Variants in COG3 observed in about 807,000 individuals in gnomAD.
The protein encoded by COG3 is component of oligomeric golgi complex 3.
A neutral mutation model predicts 114.1 loss-of-function variants in COG3; 32 were observed. The observed-to-expected ratio is 0.28, with a 90% CI of 0.21 to 0.38. The LOEUF (loss-of-function observed/expected upper bound fraction) is 0.38. Ranked by LOEUF, COG3 falls within the 10% of genes least tolerant of loss-of-function variation. The pLI, the probability that COG3 is intolerant of heterozygous loss-of-function variation, is 1.00. For missense variants in COG3, 813 were observed against 973.2 expected, an observed-to-expected ratio of 0.84 and a Z score of 2.19; for synonymous variants, 352 against 365.7, an observed-to-expected ratio of 0.96 and a Z score of 0.43.
In COG3 at chr13:45,483,321, C is replaced by T. The variant is rs1001815267; in HGVS notation, c.809C>T (p.Thr270Ile). Residue 270 changes from threonine (T) to isoleucine (I), a missense_variant, in exon 7 of 23, where the codon ACA (threonine) becomes ATA (isoleucine). Physicochemically the swap from Thr to Ile is moderately conservative, Grantham distance 89. Coordinates refer to ENST00000349995, the MANE Select transcript of COG3 (RefSeq NM_031431.4). ...CTCATGAAGACATATACTGTGAACA[C>T]ACTACAGACCCTCACAAGTCAGTTA... ...LHLMKTYTVN[T>I]LQTLTSQLLK... 6.3e-7 allele frequency: 1 copy of T among 1,596,476 alleles called. No homozygotes were observed. The highest frequency in any genetic ancestry group is 1.7e-4 in the Middle Eastern group (1 of 6,014).
intron 19 of COG3, among the ~76,000 whole-genome samples, chr13:45,521,766 C>A (rs1477427171): frequency 6.6e-6 from 1 of 151,214 alleles, no homozygotes; most frequent in Non-Finnish European, 1.5e-5. Context: ...TAATTACCTG[C>A]AAGTGCAGAA....
intron 14 of COG3, among the ~76,000 whole-genome samples, chr13:45,507,759 T>G (rs1413759307): frequency 3.6e-5 from 4 of 111,452 alleles, no homozygotes; most frequent in Admixed American, 1.1e-4. Context: ...AGCCAGACTC[T>G]GTCTCAGAAA....
intron 13 of COG3, among the ~76,000 whole-genome samples, chr13:45,499,197 C>A (rs1240414445): frequency 6.6e-6 from 1 of 152,060 alleles, no homozygotes; most frequent in Non-Finnish European, 1.5e-5. Context: ...ATCTCGTATT[C>A]ATGTTTCCAG....
At chr13:45,482,530 CCTAT>C (rs1315392680) in intron 6 of COG3, 57 bp downstream of exon 6, 2 of 827,916 alleles carry the variant, frequency 2.4e-6, no homozygotes, top group Non-Finnish European at 1.9e-6. Flanking sequence ...TATTCCTGTT[CCTAT>C]CTTTTTGTGT....
chr13:45,504,430 TTC>T (rs1184075642), intron 14 of COG3, among the ~76,000 whole-genome samples: 4 of 152,204 alleles, frequency 2.6e-5, no homozygotes, highest in Non-Finnish European at 5.9e-5. Flanking sequence ...GAGAGTACAT[TTC>T]TGTCTTGCCA....
At position 45,482,408 on chromosome 13, in the gene COG3, A is replaced by T; in HGVS notation, c.652A>T (p.Asn218Tyr). 6.4e-7 allele frequency: 1 copy of T among 1,563,614 alleles called. No individual in the cohort carries two copies. The highest frequency in any genetic ancestry group is 8.8e-7 in the Non-Finnish European group (1 of 1,138,970). ...TKLNSPTLSV[N>Y]SDGFIPMLAK... ...ATTGAATTCCCCTACATTGTCGGTG[A>T]ATAGTGACGGATTTATACCTATGCT... is the stretch of plus-strand genomic sequence containing the variant. Residue 218 changes from asparagine (N) to tyrosine (Y), a missense_variant, in exon 6 of 23, where the codon AAT becomes TAT. By Grantham distance (143) the Asn-to-Tyr change is moderately radical. Transcript: ENST00000349995.
chr13:45,468,376 T>C (rs948416384), intron 1 of COG3, among the ~76,000 whole-genome samples: 10 of 152,216 alleles, frequency 6.6e-5, no homozygotes, highest in Non-Finnish European at 1.2e-4. Flanking sequence ...TCTTTCAAAT[T>C]ATTAACATCT....
chr13:45,527,697 A>G (rs1337822666), intron 20 of COG3, among the ~76,000 whole-genome samples: 1 of 152,126 alleles, frequency 6.6e-6, no homozygotes, highest in Non-Finnish European at 1.5e-5. Flanking sequence ...TTTTTTAGGA[A>G]TTAGAGGACA....
At position 45,488,982 on chromosome 13, in the gene COG3, G is replaced by A. The variant is rs141532461; in HGVS notation, c.925-1933G>A. Reference sequence around the variant, plus strand: ...GAGGGCGGATCCCTTGAGTTTAGGAGTTTGAGACCAGCCTGGGCAACATGG... The same window carrying A: ...GAGGGCGGATCCCTTGAGTTTAGGAATTTGAGACCAGCCTGGGCAACATGG... On this transcript the variant is annotated intron_variant, in intron 8 of 22. Transcript: ENST00000349995. Among the ~76,000 whole-genome samples the A allele has an allele frequency of 8.3e-3, 1,267 of 151,830 alleles. 53 individuals carry two copies. Among genetic ancestry groups the A allele is most frequent in the Admixed American group, 0.075 (1,139 of 15,212 alleles).
At chr13:45,494,183 G>C (rs1163009367) in intron 12 of COG3, among the ~76,000 whole-genome samples, 3 of 151,936 alleles carry the variant, frequency 2.0e-5, no homozygotes, top group Non-Finnish European at 4.4e-5. Context: ...AAATTAGCCA[G>C]GCCTGGTGGC....
Position 45,511,867 on chromosome 13 carries a change from GT to G in COG3, c.1809+15del. On this transcript the variant is annotated intron_variant, in intron 16 of 22. Transcript: ENST00000349995. Reference sequence around the variant, plus strand: ...CAGCAAAAACAAGGTTTGATGAAGTGTTAGGTGAAATCCTGTTTCCTGGTAA... The same window carrying G: ...CAGCAAAAACAAGGTTTGATGAAGTGTAGGTGAAATCCTGTTTCCTGGTAA... 1 of 1,594,882 alleles carries G rather than the reference GT, an allele frequency of 6.3e-7. No homozygotes were observed. The highest frequency in any genetic ancestry group is 8.6e-7 in the Non-Finnish European group (1 of 1,162,570).
At chr13:45,465,543 G>A in intron 1 of COG3, 1 of 248,480 alleles carries the variant, frequency 4.0e-6, no homozygotes, top group Non-Finnish European at 7.8e-6. Flanking sequence ...TGTCAGCCGA[G>A]GCGTAATCCT....
At chr13:45,501,391 A>G (rs1258353860) in intron 13 of COG3, among the ~76,000 whole-genome samples, 1 of 151,958 alleles carries the variant, frequency 6.6e-6, no homozygotes, top group East Asian at 1.9e-4. Flanking sequence ...GACTTAACGG[A>G]TATTTATTCA....
intron 8 of COG3, among the ~76,000 whole-genome samples, chr13:45,486,923 A>C (rs1197732745): frequency 6.6e-6 from 1 of 152,204 alleles, no homozygotes; most frequent in East Asian, 1.9e-4. Flanking sequence ...CATAAAAGAC[A>C]TACATTTTGG....
At chr13:45,533,113 C>T (rs1013309872) in intron 22 of COG3, among the ~76,000 whole-genome samples, 1 of 151,624 alleles carries the variant, frequency 6.6e-6, no homozygotes, top group African/African-American at 2.4e-5. Flanking sequence ...GAGTGCTTCA[C>T]GTTTCTGAGT....
At chr13:45,474,909 C>T (rs1321390895) in intron 1 of COG3, among the ~76,000 whole-genome samples, 1 of 151,164 alleles carries the variant, frequency 6.6e-6, no homozygotes, top group African/African-American at 2.4e-5. Context: ...TTTTACTTTC[C>T]CCAGCATCTA....
At chr13:45,477,457 T>C (rs1251264588) in intron 2 of COG3, among the ~76,000 whole-genome samples, 1 of 152,200 alleles carries the variant, frequency 6.6e-6, no homozygotes, top group Non-Finnish European at 1.5e-5. Context: ...AAAGTGTATA[T>C]ACCTATGTAT....
intron 11 of COG3, among the ~76,000 whole-genome samples, chr13:45,492,833 A>G (rs781579155): frequency 6.6e-6 from 1 of 152,198 alleles, no homozygotes; most frequent in Non-Finnish European, 1.5e-5. Context: ...AGTATGAAGC[A>G]TATAGACAAC....
chr13:45,512,663 T>C (rs1870997360), intron 16 of COG3, among the ~76,000 whole-genome samples: 1 of 151,858 alleles, frequency 6.6e-6, no homozygotes, highest in Non-Finnish European at 1.5e-5. Flanking sequence ...GGTCTTACTC[T>C]GTCACCTAAG....
Sources: gnomAD v4.1 joint callset for allele counts (sites outside exome capture counted in the v4.1 genomes callset) on GRCh38, gnomAD v4.1.1 for gene constraint, MANE v1.5 for transcripts, NCBI Gene and HGNC (gene_info 2026-07-23, HGNC 2026-07-21) for gene names.